NKX2-1: variants seen among roughly 807,000 people sequenced by gnomAD.
NKX2-1 encodes the protein homeobox protein Nkx-2.1.
Under a neutral mutation model 35.1 loss-of-function variants are expected in NKX2-1, and 9 were observed. The ratio of observed to expected loss-of-function variants is 0.26; its 90% CI spans 0.15 to 0.45. NKX2-1 has a LOEUF of 0.45. NKX2-1 is among the 20% of genes least tolerant of loss of function. NKX2-1 has a pLI of 1.00. For synonymous variants in NKX2-1, 284 were observed against 269.9 expected, an observed-to-expected ratio of 1.05 and a Z score of -0.51; for missense variants, 509 against 589.1, an observed-to-expected ratio of 0.86 and a Z score of 1.41.
At position 36,519,571 on chromosome 14, in the gene NKX2-1, G is replaced by A. The variant is rs1014013464; in HGVS notation, c.78-201C>T. 18 of 1,534,042 alleles carry A rather than the reference G, an allele frequency of 1.2e-5. No individual in the cohort carries two copies. In the African/African-American group the frequency reaches 2.2e-4, roughly 19 times the overall value. ...GGCTGCCTCGCGTTTGTTTTAGCCC[G>A]GCGCCAGGTTTTAGGCAGCCACCAG... On this transcript the variant is annotated intron_variant, in intron 1 of 2. Coordinates refer to ENST00000354822, the MANE Select transcript of NKX2-1 (RefSeq NM_001079668.3).
chr14:36,517,158 C>A lies in NKX2-1; in HGVS notation c.*120G>T. The stretch of plus-strand genomic sequence containing the variant: ...TGGTTTTTTTGTTCCTTGGTCTAAA[C>A]GCGGCCAGGTTGTTAAGAAAAGTCG... On this transcript the variant is annotated 3_prime_UTR_variant, in exon 3 of 3. Coordinates refer to ENST00000354822, the MANE Select transcript of NKX2-1 (RefSeq NM_001079668.3). 1 of 1,477,520 alleles carries A rather than the reference C, an allele frequency of 6.8e-7. No individual in the cohort carries two copies. 91.5% of individuals were successfully genotyped at this position (1,477,520 alleles called of 1,614,324 possible).
Position 36,517,394 on chromosome 14 carries a change from C to T in NKX2-1, c.1090G>A (p.Ala364Thr), listed in dbSNP as rs775288307. ...CCCTGCAGCGCCGCGGGGCTGGCGG[C>T]GTGGTGCGCCAGGTCCGGAGACTGG... ...AGQSPDLAHH[A>T]ASPAALQGQV... Residue 364 changes from alanine (A) to threonine (T), a missense_variant, in exon 3 of 3, where the codon GCC (alanine) becomes ACC (threonine). By Grantham distance (58) the Ala-to-Thr change is moderately conservative. Transcript: ENST00000354822. 5.0e-6 allele frequency: 8 copies of T among 1,598,070 alleles called. No individual in the cohort carries two copies. Among genetic ancestry groups the T allele is most frequent in the Admixed American group, 3.5e-5 (2 of 57,532 alleles).
chr14:36,517,248 G>T lies in NKX2-1; in HGVS notation c.*30C>A, dbSNP rs917973598. ...GGCAGGAGGGAAGCGGTGAGGCAGA[G>T]CGCTGGGCTAGGGCCGGCCCGGCGT... On this transcript the variant is annotated 3_prime_UTR_variant, in exon 3 of 3. Transcript: ENST00000354822. The T allele has an allele frequency of 2.5e-6, 4 of 1,582,836 alleles. No homozygotes were observed. The highest frequency in any genetic ancestry group is 1.9e-5 in the Admixed American group (1 of 53,792).
rs994624549 is a variant in NKX2-1, at chr14:36,517,495, G to C, written c.989C>G (p.Ala330Gly). ...GCTGCCCACGGAGATGGCCGCTGCCGCCGCCTGCGCGGCCTGCGCCTGGTG... is the reference window on the plus strand; with the variant it reads ...GCTGCCCACGGAGATGGCCGCTGCCCCCGCCTGCGCGGCCTGCGCCTGGTG... Reference protein sequence around the residue: ...AQHQAQAAQAAAAAISVGSGG... With the variant: ...AQHQAQAAQAGAAAISVGSGG... The change falls in exon 3 of 3, where the codon GCG (alanine) becomes GGG (glycine). Residue 330 changes from alanine (A) to glycine (G), a missense_variant. Coordinates refer to ENST00000354822, the MANE Select transcript of NKX2-1 (RefSeq NM_001079668.3). 7.4e-7 allele frequency: 1 copy of C among 1,347,420 alleles called. No homozygotes were observed. The highest frequency in any genetic ancestry group is 2.0e-5 in the South Asian group (1 of 48,876). 83.5% of individuals were successfully genotyped at this position (1,347,420 alleles called of 1,614,324 possible).
At position 36,517,539 on chromosome 14, in the gene NKX2-1, G is replaced by C; in HGVS notation, c.945C>G (p.His315Gln). The change falls in exon 3 of 3, where the codon CAC becomes CAG. Residue 315 changes from histidine to glutamine, a missense_variant. By Grantham distance (24) the His-to-Gln change is conservative. This residue lies in a region of NKX2-1 where 212 missense variants were observed against 227.7 expected (regional missense o/e 0.93). Transcript: ENST00000354822. ...PAPGAASLQG[H>Q]AQQQAQHQAQ... ...CCTGGTGCTGCGCCTGCTGCTGCGC[G>C]TGGCCTTGTAGGCTGGCGGCGCCCG... The C allele has an allele frequency of 7.0e-7, 1 of 1,433,090 alleles. No homozygotes were observed. Among genetic ancestry groups the C allele is most frequent in the African/African-American group, 1.5e-5 (1 of 66,154 alleles). The allele number at this position is 1,433,090 out of a possible 1,614,324, so 88.8% of individuals were successfully genotyped here. A position where few individuals can be genotyped will look rare whatever the true frequency, so the allele number is the denominator to read the frequency against.
At position 36,517,067 on chromosome 14, in the gene NKX2-1, T is replaced by TAAA; in HGVS notation, c.*208_*210dup. 1 of 874,562 alleles carries TAAA rather than the reference T, an allele frequency of 1.1e-6. No individual in the cohort carries two copies. Among genetic ancestry groups the TAAA allele is most frequent in the Middle Eastern group, 3.8e-4 (1 of 2,614 alleles). 54.2% of individuals were successfully genotyped at this position (874,562 alleles called of 1,614,324 possible). Reference sequence around the variant, plus strand: ...TTGGTTGTTTTTCATTTTCTTTTTTTAAAAAAAAAAACCCACAAATTTTAG... The same window carrying TAAA: ...TTGGTTGTTTTTCATTTTCTTTTTTTAAAAAAAAAAAAAACCCACAAATTTTAG... On this transcript the variant is annotated 3_prime_UTR_variant, in exon 3 of 3. Coordinates refer to ENST00000354822, the MANE Select transcript of NKX2-1 (RefSeq NM_001079668.3).
At chr14:36,519,787 C>T (rs1377219227) in intron 1 of NKX2-1, 3 of 1,437,504 alleles carry the variant, frequency 2.1e-6, no homozygotes, top group Admixed American at 2.5e-5. Flanking sequence ...GACACCCCCA[C>T]CCCCATTTTT....
chr14:36,518,417 G>C (rs1881160351), intron 2 of NKX2-1, among the ~76,000 whole-genome samples: 1 of 152,160 alleles, frequency 6.6e-6, no homozygotes, highest in African/African-American at 2.4e-5. Context: ...CCCCAGTTTG[G>C]AGAGGTTAGG....
At position 36,517,067 on chromosome 14, in the gene NKX2-1, T is replaced by TTA. The variant is rs1555349067; in HGVS notation, c.*210_*211insTA. 5,318 of 866,638 alleles carry TTA rather than the reference T, an allele frequency of 6.1e-3. 3 individuals are homozygous for TTA. The highest frequency in any genetic ancestry group is 8.3e-3 in the Admixed American group (227 of 27,244). 53.7% of individuals were successfully genotyped at this position (866,638 alleles called of 1,614,324 possible). A position where few individuals can be genotyped will look rare whatever the true frequency, so the allele number is the denominator to read the frequency against. The stretch of plus-strand genomic sequence containing the variant: ...TTGGTTGTTTTTCATTTTCTTTTTT[T>TTA]AAAAAAAAAAACCCACAAATTTTAG... On this transcript the variant is annotated 3_prime_UTR_variant, in exon 3 of 3. Transcript: ENST00000354822.
At chr14:36,519,753 C>A in intron 1 of NKX2-1, 1 of 1,475,824 alleles carries the variant, frequency 6.8e-7, no homozygotes, top group African/African-American at 1.4e-5. Context: ...GAGACGAGAC[C>A]CAAAGCATTT....
rs1436138961 is a variant in NKX2-1, at chr14:36,518,036, G to C, written c.464-16C>G. ...AAGCGGGAGACTGTAAGCGACAAACGCACAGCGTCGGCCGGGGCCAGGCCG... is the reference window on the plus strand; with the variant it reads ...AAGCGGGAGACTGTAAGCGACAAACCCACAGCGTCGGCCGGGGCCAGGCCG... On this transcript the variant is annotated splice_polypyrimidine_tract_variant and intron_variant, in intron 2 of 2. Coordinates refer to ENST00000354822, the MANE Select transcript of NKX2-1 (RefSeq NM_001079668.3). The C allele has an allele frequency of 6.3e-7, 1 of 1,596,978 alleles. No individual in the cohort carries two copies. Among genetic ancestry groups the C allele is most frequent in the African/African-American group, 1.3e-5 (1 of 75,004 alleles).
In NKX2-1 at chr14:36,519,370, G is replaced by T. The variant is rs1881231765; in HGVS notation, c.78C>A (p.Ser26Arg). The T allele has an allele frequency of 6.2e-7, 1 of 1,612,910 alleles. No homozygotes were observed. Among genetic ancestry groups the T allele is most frequent in the Middle Eastern group, 1.6e-4 (1 of 6,062 alleles). Residue 26 changes from serine (S) to arginine (R), a missense_variant and splice_region_variant, in exon 2 of 3, where the codon AGC becomes AGA. Physicochemically the swap from Ser to Arg is moderately radical, Grantham distance 110. Coordinates refer to ENST00000354822, the MANE Select transcript of NKX2-1 (RefSeq NM_001079668.3). ...AGGRSSPGRL[S>R]RRRIMSMSPK... is the part of the protein sequence containing the mutation. ...GACTCATCGACATGATTCGGCGGCG[G>T]CTGGAGGAGGAAGGAAGAGGAGGAA...
intron 2 of NKX2-1, 92 bp downstream of exon 2, chr14:36,518,893 C>A: frequency 2.2e-6 from 3 of 1,382,398 alleles, no homozygotes; most frequent in South Asian, 3.3e-5. Context: ...TGATGCCCAG[C>A]GCGCAGCCTG....
In NKX2-1 at chr14:36,516,591, T is replaced by C. The variant is rs1824830739; in HGVS notation, c.*687A>G. On this transcript the variant is annotated 3_prime_UTR_variant, in exon 3 of 3. Transcript: ENST00000354822. ...AGGGCTGGGGACTGGGAGTGGTTTT[T>C]CTTTTTACAACAAAATGTACAGATT... 1.3e-5 allele frequency: 3 copies of C among 233,252 alleles called. No homozygotes were observed. In the East Asian group the frequency reaches 1.8e-4, roughly 14 times the overall value. The allele number at this position is 233,252 out of a possible 1,614,324, so 14.4% of individuals were successfully genotyped here. A position where few individuals can be genotyped will look rare whatever the true frequency, so the allele number is the denominator to read the frequency against.
Position 36,517,679 on chromosome 14 carries a change from C to T in NKX2-1, c.805G>A (p.Gly269Ser), listed in dbSNP as rs775540332. 3.9e-6 allele frequency: 6 copies of T among 1,557,860 alleles called. No homozygotes were observed. The Admixed American group carries it at 7.6e-5, about 20-fold the overall frequency. The change falls in exon 3 of 3, where the codon GGC (glycine) becomes AGC (serine). Residue 269 changes from glycine to serine, a missense_variant. Gly to Ser is a moderately conservative substitution (Grantham distance 56). Around this residue, in one of 5 missense-constraint regions of NKX2-1, gnomAD observed 212 missense variants for 227.7 expected, o/e 0.93. Coordinates refer to ENST00000354822, the MANE Select transcript of NKX2-1 (RefSeq NM_001079668.3). ...LQQDSGGGGGGGGTGCPQQQQ... is the reference protein window; with the variant it reads ...LQQDSGGGGGSGGTGCPQQQQ... ...TGCTGCGGGCACCCGGTGCCCCCGC[C>T]GCCCCCGCCGCCGCCGCTGTCCTGC... is the stretch of plus-strand genomic sequence containing the variant.
Position 36,517,044 on chromosome 14 carries a change from G to A in NKX2-1, c.*234C>T, listed in dbSNP as rs1269708194. On this transcript the variant is annotated 3_prime_UTR_variant, in exon 3 of 3. Coordinates refer to ENST00000354822, the MANE Select transcript of NKX2-1 (RefSeq NM_001079668.3). ...AGATTCCTTGAGATTGGATGCGCTT[G>A]GTTGTTTTTCATTTTCTTTTTTTAA... The A allele has an allele frequency of 1.3e-6, 1 of 788,098 alleles. No homozygotes were observed. The highest frequency in any genetic ancestry group is 2.9e-5 in the East Asian group (1 of 34,166). 48.8% of individuals were successfully genotyped at this position (788,098 alleles called of 1,614,324 possible).
chr14:36,519,960 C>G, intron 1 of NKX2-1, 93 bp downstream of exon 1: 1 of 1,573,162 alleles, frequency 6.4e-7, no homozygotes. Context: ...TGCGGAGTTA[C>G]AAAGTGGAAC....
chr14:36,519,493 C>T, intron 1 of NKX2-1, 123 bp from the exon 2 acceptor site: 2 of 1,541,694 alleles, frequency 1.3e-6, no homozygotes, highest in Non-Finnish European at 8.7e-7. Context: ...GTTGGATGTA[C>T]ACGTAACGGA....
intron 2 of NKX2-1, among the ~76,000 whole-genome samples, chr14:36,518,441 AC>A (rs1881161993): frequency 6.6e-6 from 1 of 152,006 alleles, no homozygotes; most frequent in Non-Finnish European, 1.5e-5. Flanking sequence ...GGGGGTGTTG[AC>A]TTCCAAAAGC....
Sources: allele counts gnomAD v4.1 joint callset (sites outside exome capture counted in the v4.1 genomes callset), GRCh38; gene constraint gnomAD v4.1.1; regional missense constraint gnomAD v4.1.1; transcripts MANE v1.5; gene names NCBI Gene and HGNC (gene_info 2026-07-23, HGNC 2026-07-21).